RUNX2: variants seen among roughly 807,000 people sequenced by gnomAD.
RUNX2 encodes runt-related transcription factor 2.
In RUNX2, 10 loss-of-function variants were observed where a neutral mutation model predicts 51.7. The observed-to-expected ratio is 0.19, with a 90% CI of 0.12 to 0.33. RUNX2 has a LOEUF of 0.33. Among genes scored for constraint, RUNX2 ranks in the 10% least tolerant of loss-of-function variants. RUNX2 has a pLI of 1.00. For missense variants in RUNX2, 562 were observed against 691.3 expected, an observed-to-expected ratio of 0.81 and a Z score of 2.10; for synonymous variants, 276 against 273.6, an observed-to-expected ratio of 1.01 and a Z score of -0.09.
intron 5 of RUNX2, among the ~76,000 whole-genome samples, chr6:45,468,589 G>T (rs1391508106): frequency 6.6e-6 from 1 of 152,112 alleles, no homozygotes; most frequent in Non-Finnish European, 1.5e-5. Context: ...TTGGTTTCTA[G>T]ATGGTTTTAT....
intron 2 of RUNX2, among the ~76,000 whole-genome samples, chr6:45,332,465 T>C (rs549269228): frequency 2.6e-5 from 4 of 151,942 alleles, no homozygotes; most frequent in African/African-American, 9.6e-5. Flanking sequence ...TACTTGAAAA[T>C]TGACGGCAAA....
At chr6:45,371,833 A>C in intron 2 of RUNX2, 2 of 984,434 alleles carry the variant, frequency 2.0e-6, no homozygotes, top group Non-Finnish European at 2.4e-6. Flanking sequence ...ATCTGAGCAG[A>C]CTTCAGAACT....
intron 7 of RUNX2, among the ~76,000 whole-genome samples, chr6:45,528,760 G>T (rs970281502): frequency 1.3e-5 from 2 of 152,236 alleles, no homozygotes; most frequent in East Asian, 3.8e-4. Flanking sequence ...TAGGCAAGGG[G>T]CTATCAGTTC....
chr6:45,351,778 C>A (rs1221391157), intron 2 of RUNX2, among the ~76,000 whole-genome samples: 1 of 152,084 alleles, frequency 6.6e-6, no homozygotes, highest in Non-Finnish European at 1.5e-5. Context: ...TAGCCTTCTG[C>A]CACATCTGCC....
intron 7 of RUNX2, among the ~76,000 whole-genome samples, chr6:45,516,590 A>G: frequency 6.6e-6 from 1 of 152,234 alleles, no homozygotes; most frequent in African/African-American, 2.4e-5. Context: ...ATCTCACTTC[A>G]TCCTACATGT....
At chr6:45,456,797 A>G (rs2150383546) in intron 5 of RUNX2, among the ~76,000 whole-genome samples, 1 of 152,340 alleles carries the variant, frequency 6.6e-6, no homozygotes, top group East Asian at 1.9e-4. Context: ...AATAACATTG[A>G]TGACTTCACA....
intron 2 of RUNX2, among the ~76,000 whole-genome samples, chr6:45,416,849 G>T (rs1256134804): frequency 6.6e-6 from 1 of 152,166 alleles, no homozygotes; most frequent in African/African-American, 2.4e-5. Context: ...TATGGCAAGT[G>T]TCAGCCTTTT....
chr6:45,491,845 G>T (rs150923664), intron 5 of RUNX2, 96 bp from the exon 6 acceptor site: 2 of 1,248,638 alleles, frequency 1.6e-6, no homozygotes, highest in East Asian at 2.3e-5. Flanking sequence ...TAATTCCTTG[G>T]CTTAAACTCC....
In RUNX2 at chr6:45,537,072, CT is replaced by C. The variant is rs1242663967; in HGVS notation, c.1022-8144del. Reference sequence around the variant, plus strand: ...TTAGGATGGAAATGTTTGCTATTTGCTGTGTACTGTTACCAATTCCTGCTTA... The same window carrying C: ...TTAGGATGGAAATGTTTGCTATTTGCGTGTACTGTTACCAATTCCTGCTTA... On this transcript the variant is annotated intron_variant, in intron 7 of 8. Transcript: ENST00000647337. Among the ~76,000 whole-genome samples the C allele has an allele frequency of 2.0e-5, 3 of 152,300 alleles. No individual in the cohort carries two copies. In the East Asian group the frequency reaches 5.8e-4, roughly 29 times the overall value.
chr6:45,482,107 C>A (rs1800134010), intron 5 of RUNX2, among the ~76,000 whole-genome samples: 1 of 152,182 alleles, frequency 6.6e-6, no homozygotes, highest in Admixed American at 6.5e-5. Context: ...GCGAAGTTAG[C>A]CGGATTCCCG....
intron 5 of RUNX2, among the ~76,000 whole-genome samples, chr6:45,475,991 A>G (rs1799945184): frequency 6.6e-6 from 1 of 152,206 alleles, no homozygotes; most frequent in Non-Finnish European, 1.5e-5. Flanking sequence ...AGGTCCAAAA[A>G]TCTTCAGGCC....
chr6:45,528,072 AG>A (rs1401185281), intron 7 of RUNX2, among the ~76,000 whole-genome samples: 7 of 152,300 alleles, frequency 4.6e-5, no homozygotes, highest in African/African-American at 1.7e-4. Context: ...TACAGGGGGC[AG>A]GGGAACTCCT....
At chr6:45,481,132 A>C (rs184143007) in intron 5 of RUNX2, among the ~76,000 whole-genome samples, 147 of 152,216 alleles carry the variant, frequency 9.7e-4, no homozygotes, top group Non-Finnish European at 1.0e-3. Flanking sequence ...TCTCTGTCTC[A>C]CATAAAATAT....
chr6:45,448,503 C>T (rs1370226515), intron 5 of RUNX2, among the ~76,000 whole-genome samples: 4 of 152,038 alleles, frequency 2.6e-5, no homozygotes, highest in Admixed American at 6.5e-5. Flanking sequence ...CAGGAGACCA[C>T]GATCTGGGGT....
intron 2 of RUNX2, among the ~76,000 whole-genome samples, chr6:45,358,659 C>A (rs531308605): frequency 1.3e-5 from 2 of 152,122 alleles, no homozygotes; most frequent in Non-Finnish European, 2.9e-5. Context: ...CGTACTAACC[C>A]TGTGAGGTAG....
chr6:45,419,657 G>T lies in RUNX2; in HGVS notation c.59-2936G>T, dbSNP rs527294935. 8.9e-4 allele frequency among the ~76,000 whole-genome samples: 135 copies of T among 152,318 alleles called. 6 individuals are homozygous for T. The highest frequency in any genetic ancestry group is 5.1e-4 in the Non-Finnish European group (35 of 68,030). On this transcript the variant is annotated intron_variant, in intron 2 of 8. Coordinates refer to ENST00000647337, the MANE Select transcript of RUNX2 (RefSeq NM_001024630.4). The stretch of plus-strand genomic sequence containing the variant: ...CGAGAGACCTGTGCACGCAGGGGAC[G>T]CGGCGGTGCCCGGGGTTAGAGCTCT...
intron 7 of RUNX2, among the ~76,000 whole-genome samples, chr6:45,539,582 A>G (rs1304067047): frequency 6.6e-6 from 1 of 152,224 alleles, no homozygotes; most frequent in Non-Finnish European, 1.5e-5. Flanking sequence ...GAGGGGAGAA[A>G]TTCAGGGAAA....
At chr6:45,399,542 T>C (rs965288693) in intron 2 of RUNX2, among the ~76,000 whole-genome samples, 1 of 151,768 alleles carries the variant, frequency 6.6e-6, no homozygotes, top group Non-Finnish European at 1.5e-5. Flanking sequence ...GTATTTTTAG[T>C]AGAGACGGGG....
intron 2 of RUNX2, among the ~76,000 whole-genome samples, chr6:45,344,751 T>C (rs1046637213): frequency 6.6e-6 from 1 of 152,140 alleles, no homozygotes; most frequent in African/African-American, 2.4e-5. Context: ...AAGGTGAGTC[T>C]GCCTTTAAGA....
Sources: allele counts gnomAD v4.1 joint callset (sites outside exome capture counted in the v4.1 genomes callset), GRCh38; gene constraint gnomAD v4.1.1; transcripts MANE v1.5; gene names NCBI Gene and HGNC (gene_info 2026-07-23, HGNC 2026-07-21).